FCER1A: variants seen among roughly 807,000 people sequenced by gnomAD.
The protein encoded by FCER1A is high affinity immunoglobulin epsilon receptor subunit alpha.
Under a neutral mutation model 23.6 loss-of-function variants are expected in FCER1A, and 24 were observed. The observed-to-expected ratio is 1.02, with a 90% CI of 0.74 to 1.43. The LOEUF is 1.43. Among genes scored for constraint, FCER1A ranks in the 40% most tolerant of loss-of-function variants. The pLI is 0.00. For synonymous variants in FCER1A, 121 were observed against 108.8 expected, an observed-to-expected ratio of 1.11 and a Z score of -0.70; for missense variants, 318 against 294.5, an observed-to-expected ratio of 1.08 and a Z score of -0.58.
In FCER1A at chr1:159,304,179, A is replaced by G. The variant is rs1652528932; in HGVS notation, c.328A>G (p.Ser110Gly). ...TGAACCTGTGTACCTGGAAGTCTTC[A>G]GTGGTAAGTTCCAGGGATATGGAAA... ...ESEPVYLEVF[S>G]DWLLLQASAE... Residue 110 changes from serine to glycine, a missense_variant, in exon 3 of 5, where the codon AGT (serine) becomes GGT (glycine). Physicochemically the swap from Ser to Gly is moderately conservative, Grantham distance 56. Coordinates refer to ENST00000693622, the MANE Select transcript of FCER1A (RefSeq NM_001387280.1). 1 of 1,613,662 alleles carries G rather than the reference A, an allele frequency of 6.2e-7. No homozygotes were observed.
chr1:159,307,237 C>T (rs1013532828), intron 4 of FCER1A, among the ~76,000 whole-genome samples: 6 of 152,088 alleles, frequency 3.9e-5, no homozygotes, highest in Non-Finnish European at 7.4e-5. Context: ...TTCTGAGGCT[C>T]TATAATTTGA....
intron 4 of FCER1A, 47 bp downstream of exon 4, chr1:159,306,292 G>T: frequency 1.3e-6 from 2 of 1,589,548 alleles, no homozygotes. Context: ...GGGGAAGGAA[G>T]AGAGAACTTC....
upstream of FCER1A, among the ~76,000 whole-genome samples, chr1:159,286,477 C>A (rs563878875): frequency 6.6e-6 from 1 of 151,842 alleles, no homozygotes; most frequent in Non-Finnish European, 1.5e-5. Context: ...GGACTACAGG[C>A]GCCCGCCACC....
intron 1 of FCER1A, among the ~76,000 whole-genome samples, chr1:159,292,877 G>C (rs1652190557): frequency 1.3e-5 from 2 of 151,670 alleles, no homozygotes; most frequent in African/African-American, 4.8e-5. Context: ...GAGACTGGTG[G>C]CTCTAAAAGA....
chr1:159,299,934 T>C (rs956428096), upstream of FCER1A, among the ~76,000 whole-genome samples: 4 of 151,544 alleles, frequency 2.6e-5, no homozygotes, highest in Non-Finnish European at 5.9e-5. Context: ...GAAATTAGGG[T>C]ATGGCTTTTT....
At chr1:159,295,368 CA>C (rs1384999816) in intron 1 of FCER1A, among the ~76,000 whole-genome samples, 14 of 151,382 alleles carry the variant, frequency 9.2e-5, no homozygotes, top group Non-Finnish European at 4.4e-5. Flanking sequence ...AAATTGCAAA[CA>C]AAAAAATGGA....
At chr1:159,295,626 A>G (rs1652277714) in intron 1 of FCER1A, among the ~76,000 whole-genome samples, 1 of 152,146 alleles carries the variant, frequency 6.6e-6, no homozygotes. Context: ...CTCAATATTC[A>G]TTTGTTTTCT....
chr1:159,304,333 G>C (rs1652533665), intron 3 of FCER1A, 151 bp downstream of exon 3: 1 of 728,732 alleles, frequency 1.4e-6, no homozygotes, highest in Non-Finnish European at 2.2e-6. Flanking sequence ...TGGGCACAGT[G>C]GCTCACGCCT....
rs187416864 is a variant in FCER1A at position 159,290,213 on chromosome 1, C to T, written c.-60+460C>T. On this transcript the variant is annotated intron_variant, in intron 1 of 5. Transcript: ENST00000368115. ...AGAGCCTCTTGTTATTAGAGTTCCC[C>T]TCACCCAGAGAGTGTCCCCTTTGAG... Among the ~76,000 whole-genome samples the T allele has an allele frequency of 8.5e-5, 13 of 152,270 alleles. No homozygotes were observed. In the East Asian group the frequency reaches 2.5e-3, roughly 29 times the overall value.
chr1:159,307,683 C>G, intron 4 of FCER1A, 65 bp from the exon 5 acceptor site: 2 of 1,270,298 alleles, frequency 1.6e-6, no homozygotes, highest in Non-Finnish European at 1.1e-6. Context: ...GGATGAAACT[C>G]TGAACCTCAT....
chr1:159,299,657 A>G (rs554788344), upstream of FCER1A, among the ~76,000 whole-genome samples: 4 of 152,302 alleles, frequency 2.6e-5, no homozygotes, highest in East Asian at 7.7e-4. Context: ...TGAAATTTAG[A>G]CACGCCCTAT....
At chr1:159,306,588 A>G (rs1367153318) in intron 4 of FCER1A, among the ~76,000 whole-genome samples, 1 of 152,148 alleles carries the variant, frequency 6.6e-6, no homozygotes, top group Non-Finnish European at 1.5e-5. Context: ...CTCCTGGGGG[A>G]ACACTTATAT....
intron 1 of FCER1A, among the ~76,000 whole-genome samples, chr1:159,297,122 C>A (rs981249042): frequency 8.5e-5 from 13 of 152,120 alleles, no homozygotes; most frequent in Non-Finnish European, 1.5e-4. Context: ...TAAAATAAAC[C>A]TGGCCTACAC....
At chr1:159,293,313 T>A (rs1652207348) in intron 1 of FCER1A, among the ~76,000 whole-genome samples, 1 of 151,950 alleles carries the variant, frequency 6.6e-6, no homozygotes, top group Non-Finnish European at 1.5e-5. Context: ...CCTATGTGTA[T>A]CTCCAATCTC....
intron 3 of FCER1A, among the ~76,000 whole-genome samples, chr1:159,304,774 G>A (rs1363954909): frequency 6.6e-6 from 1 of 152,040 alleles, no homozygotes; most frequent in African/African-American, 2.4e-5. Flanking sequence ...TATATTATGT[G>A]GTCAAACAGC....
upstream of FCER1A, among the ~76,000 whole-genome samples, chr1:159,299,413 C>G (rs1052701431): frequency 1.3e-5 from 2 of 152,160 alleles, no homozygotes; most frequent in Non-Finnish European, 2.9e-5. Context: ...CTGCCAGGCA[C>G]GTCCCGAAAC....
intron 1 of FCER1A, among the ~76,000 whole-genome samples, chr1:159,294,488 A>T (rs945471672): frequency 1.3e-5 from 2 of 152,146 alleles, no homozygotes; most frequent in African/African-American, 2.4e-5. Flanking sequence ...TATTTAAAAC[A>T]GATTGTCCTT....
In FCER1A at chr1:159,295,240, C is replaced by G. The variant is rs78575108; in HGVS notation, c.-60+5487C>G. 3.8e-4 allele frequency among the ~76,000 whole-genome samples: 58 copies of G among 152,218 alleles called. No homozygotes were observed. In the East Asian group the frequency reaches 0.011, roughly 29 times the overall value. Reference sequence around the variant, plus strand: ...AGAGGGTTGTTCTGTGTTTGGCAGCCTATTCTAGGGTGGGCCTTGTGTCAG... The same window carrying G: ...AGAGGGTTGTTCTGTGTTTGGCAGCGTATTCTAGGGTGGGCCTTGTGTCAG... On this transcript the variant is annotated intron_variant, in intron 1 of 5. Transcript: ENST00000368115.
chr1:159,290,989 C>T (rs1029714047), intron 1 of FCER1A, among the ~76,000 whole-genome samples: 1 of 152,102 alleles, frequency 6.6e-6, no homozygotes, highest in Non-Finnish European at 1.5e-5. Context: ...TTCTGTAATG[C>T]AAATTAGTCT....
Sources: allele counts gnomAD v4.1 joint callset (sites outside exome capture counted in the v4.1 genomes callset), GRCh38; gene constraint gnomAD v4.1.1; transcripts MANE v1.5; gene names NCBI Gene and HGNC (gene_info 2026-07-23, HGNC 2026-07-21).